NRG3: variants seen among roughly 807,000 people sequenced by gnomAD.
NRG3 encodes the protein neuregulin 3, also known as pro-neuregulin-3, membrane-bound isoform.
Under a neutral mutation model 66.9 loss-of-function variants are expected in NRG3, and 31 were observed. That is an observed-to-expected ratio of 0.46 (90% confidence interval 0.35 to 0.63). The LOEUF (loss-of-function observed/expected upper bound fraction) is 0.63. NRG3 is among the 20% of genes least tolerant of loss of function. The probability of loss-of-function intolerance (pLI) is 0.00; values close to 1 mark genes in which losing one functional copy is unlikely to be tolerated. For missense variants in NRG3, 910 were observed against 878.9 expected (o/e 1.04, Z -0.45); for synonymous variants, 393 against 359.4 (o/e 1.09, Z -1.06).
intron 3 of NRG3, among the ~76,000 whole-genome samples, chr10:82,747,351 C>T (rs533019370): frequency 1.3e-5 from 2 of 152,056 alleles, no homozygotes; most frequent in African/African-American, 2.4e-5. Context: ...AACCATTATG[C>T]GTAAGTCTCT....
chr10:82,466,619 G>A (rs1002935448), intron 2 of NRG3, among the ~76,000 whole-genome samples: 1 of 152,170 alleles, frequency 6.6e-6, no homozygotes, highest in African/African-American at 2.4e-5. Context: ...AAGAACCCAT[G>A]CAGAAAGGTG....
chr10:82,872,294 A>G (rs1357767605), intron 4 of NRG3, among the ~76,000 whole-genome samples: 1 of 152,160 alleles, frequency 6.6e-6, no homozygotes, highest in African/African-American at 2.4e-5. Flanking sequence ...TATTTTAATT[A>G]GTTACATAAT....
intron 2 of NRG3, among the ~76,000 whole-genome samples, chr10:82,416,465 A>G (rs2088583470): frequency 6.6e-6 from 1 of 152,174 alleles, no homozygotes; most frequent in African/African-American, 2.4e-5. Context: ...AAGCATAAGA[A>G]GGTTGTCCAT....
intron 3 of NRG3, among the ~76,000 whole-genome samples, chr10:82,843,956 A>G (rs1314264038): frequency 2.0e-5 from 3 of 152,190 alleles, no homozygotes; most frequent in East Asian, 1.9e-4. Flanking sequence ...TAGATTTATA[A>G]GAGTTTGTTG....
chr10:82,530,777 T>TGA (rs1393939816), intron 2 of NRG3, among the ~76,000 whole-genome samples: 1 of 151,920 alleles, frequency 6.6e-6, no homozygotes. Flanking sequence ...TAGAATATCT[T>TGA]GACTCACTGA....
chr10:81,903,763 A>G (rs1029821549), intron 1 of NRG3, among the ~76,000 whole-genome samples: 1 of 152,206 alleles, frequency 6.6e-6, no homozygotes, highest in African/African-American at 2.4e-5. Context: ...GCAGAGTTAA[A>G]GAAAACAAAC....
intron 1 of NRG3, among the ~76,000 whole-genome samples, chr10:82,162,504 C>T (rs2071677672): frequency 6.6e-6 from 1 of 152,120 alleles, no homozygotes; most frequent in Non-Finnish European, 1.5e-5. Context: ...ACATTGTCAT[C>T]ATCTCATTCT....
intron 1 of NRG3, among the ~76,000 whole-genome samples, chr10:81,941,947 T>C (rs991652227): frequency 6.6e-6 from 1 of 152,108 alleles, no homozygotes; most frequent in Non-Finnish European, 1.5e-5. Flanking sequence ...GACTAAATCA[T>C]GCTGCTTTTA....
intron 2 of NRG3, among the ~76,000 whole-genome samples, chr10:82,373,676 C>G (rs1317411106): frequency 6.6e-6 from 1 of 152,136 alleles, no homozygotes; most frequent in Non-Finnish European, 1.5e-5. Flanking sequence ...AAAAGATGAG[C>G]TGATAAAGTA....
At position 82,107,685 on chromosome 10, in the gene NRG3, G is replaced by A. The variant is rs143944941; in HGVS notation, c.823+231522G>A. Among the ~76,000 whole-genome samples, 472 of 152,268 alleles carry A rather than the reference G, an allele frequency of 3.1e-3. 2 individuals carry two copies. Among genetic ancestry groups the A allele is most frequent in the African/African-American group, 0.011 (451 of 41,552 alleles). On this transcript the variant is annotated intron_variant, in intron 1 of 8. Coordinates refer to ENST00000372141, the MANE Select transcript of NRG3 (RefSeq NM_001010848.4). The stretch of plus-strand genomic sequence containing the variant: ...ATGATCATTACACTATTGTTGCACG[G>A]GGCTAGTCATTTAGTAGGAGCTTAA...
intron 6 of NRG3, among the ~76,000 whole-genome samples, chr10:82,964,376 A>T (rs1168432364): frequency 1.3e-5 from 2 of 152,216 alleles, no homozygotes; most frequent in Non-Finnish European, 2.9e-5. Context: ...CTCTCTAAAA[A>T]GGTGCAGTTA....
chr10:82,832,527 A>G (rs1197669284), intron 3 of NRG3, among the ~76,000 whole-genome samples: 6 of 152,184 alleles, frequency 3.9e-5, no homozygotes, highest in Non-Finnish European at 7.3e-5. Context: ...AAGGGAGTCT[A>G]TATTCATGAT....
At chr10:82,629,159 C>T (rs968451960) in intron 2 of NRG3, among the ~76,000 whole-genome samples, 1 of 152,104 alleles carries the variant, frequency 6.6e-6, no homozygotes, top group Admixed American at 6.5e-5. Context: ...GGCTGTGCAA[C>T]CTTTTCCCAG....
At chr10:82,920,691 G>A (rs1180195169) in intron 4 of NRG3, among the ~76,000 whole-genome samples, 1 of 152,064 alleles carries the variant, frequency 6.6e-6, no homozygotes, top group Non-Finnish European at 1.5e-5. Flanking sequence ...ATGAGCTGGA[G>A]CAGCTTGCCA....
intron 4 of NRG3, among the ~76,000 whole-genome samples, chr10:82,871,188 C>A (rs1042107410): frequency 2.0e-5 from 3 of 151,860 alleles, no homozygotes; most frequent in African/African-American, 7.3e-5. Context: ...TATCTTTTCT[C>A]CATTGTATTG....
intron 2 of NRG3, among the ~76,000 whole-genome samples, chr10:82,649,493 C>G (rs2051239582): frequency 9.9e-6 from 1 of 101,002 alleles, no homozygotes; most frequent in Non-Finnish European, 1.8e-5. Flanking sequence ...TTTTCTGAGA[C>G]AGAGTCTTGC....
intron 2 of NRG3, among the ~76,000 whole-genome samples, chr10:82,421,965 T>G (rs1338609085): frequency 6.6e-6 from 1 of 152,132 alleles, no homozygotes; most frequent in Non-Finnish European, 1.5e-5. Context: ...CATCAAGTAG[T>G]GCCTGCATTG....
At chr10:81,904,001 T>TG (rs1330510190) in intron 1 of NRG3, among the ~76,000 whole-genome samples, 195 of 129,668 alleles carry the variant, frequency 1.5e-3, no homozygotes, top group African/African-American at 1.7e-3. Flanking sequence ...TATATATTTT[T>TG]TTTTTTTGTT....
At chr10:82,036,022 C>T (rs1458703342) in intron 1 of NRG3, among the ~76,000 whole-genome samples, 1 of 152,052 alleles carries the variant, frequency 6.6e-6, no homozygotes, top group East Asian at 1.9e-4. Flanking sequence ...TAAATAGCAA[C>T]TACAGCATCT....
Sources: allele counts gnomAD v4.1 joint callset (sites outside exome capture counted in the v4.1 genomes callset), GRCh38; gene constraint gnomAD v4.1.1; transcripts MANE v1.5; gene names NCBI Gene and HGNC (gene_info 2026-07-23, HGNC 2026-07-21).